Variants in DNAH10 observed in about 807,000 individuals in gnomAD.
The protein encoded by DNAH10 is axonemal beta dynein heavy chain 10.
DNAH10 carries 348 observed loss-of-function variants against 506.6 expected under a neutral mutation model. The observed-to-expected ratio is 0.69, with a 90% CI of 0.63 to 0.75. The LOEUF (loss-of-function observed/expected upper bound fraction) is 0.75, where lower values mean the gene tolerates loss of function less well. Among genes scored for constraint, DNAH10 ranks in the 30% least tolerant of loss-of-function variants. DNAH10 has a pLI of 0.00. For missense variants in DNAH10, 5,179 were observed against 5,787.1 expected (o/e 0.89, Z 3.41); for synonymous variants, 2,059 against 2,198.6 (o/e 0.94, Z 1.78).
At chr12:123,922,573 C>T (rs1441891697) in intron 65 of DNAH10, among the ~76,000 whole-genome samples, 1 of 152,120 alleles carries the variant, frequency 6.6e-6, no homozygotes, top group African/African-American at 2.4e-5. Context: ...GCCATGCCTG[C>T]CATAACAAAA....
intron 17 of DNAH10, among the ~76,000 whole-genome samples, chr12:123,804,618 T>C (rs2136295397): frequency 6.6e-6 from 1 of 152,272 alleles, no homozygotes; most frequent in East Asian, 1.9e-4. Flanking sequence ...AAAACAAGAT[T>C]GCCCAAAGGT....
At chr12:123,924,963 C>A in intron 67 of DNAH10, 87 bp from the exon 68 acceptor site, 1 of 1,544,554 alleles carries the variant, frequency 6.5e-7, no homozygotes, top group East Asian at 2.3e-5. Flanking sequence ...TCGTCCCTTT[C>A]CAGTGGCTTT....
rs759873762 is a variant in DNAH10 at position 123,916,617 on chromosome 12, T to C, written c.10883T>C (p.Ile3628Thr). 6.2e-7 allele frequency: 1 copy of C among 1,613,942 alleles called. No homozygotes were observed. Among genetic ancestry groups the C allele is most frequent in the Non-Finnish European group, 8.5e-7 (1 of 1,179,884 alleles). ...GTCTCCCAAGGACGGCAGTTTATTA[T>C]CCTGGGAGACAAGGAAGTGGACTAT... ...IKVSQGRQFI[I>T]LGDKEVDYDS... The change falls in exon 63 of 79, where the codon ATC becomes ACC. Residue 3628 changes from isoleucine (I) to threonine (T), a missense_variant. Physicochemically the swap from Ile to Thr is moderately conservative, Grantham distance 89. Around this residue, in one of 3 missense-constraint regions of DNAH10, gnomAD observed 4,844 missense variants for 5,430.5 expected, o/e 0.89. Coordinates refer to ENST00000673944, the MANE Select transcript of DNAH10 (RefSeq NM_001372106.1). This position sits in a 1 kb window ranked among gnomAD's most constrained non-coding sequence, Gnocchi z 4.6.
chr12:123,813,998 C>G (rs1280511513), intron 21 of DNAH10, 86 bp downstream of exon 21: 3 of 1,280,930 alleles, frequency 2.3e-6, no homozygotes, highest in East Asian at 2.5e-5. Flanking sequence ...AAGTATACTG[C>G]CATTGATTTG....
intron 55 of DNAH10, among the ~76,000 whole-genome samples, chr12:123,898,386 C>A (rs191708277): frequency 6.6e-6 from 1 of 152,100 alleles, no homozygotes; most frequent in South Asian, 2.1e-4. Flanking sequence ...ACATTAGAGA[C>A]AACTATCTGC....
chr12:123,872,166 G>A (rs984924299), intron 45 of DNAH10, among the ~76,000 whole-genome samples: 1 of 152,100 alleles, frequency 6.6e-6, no homozygotes, highest in Non-Finnish European at 1.5e-5. Context: ...CTAAAACTTT[G>A]CAAGTGTTTC....
rs933947528 is a variant in DNAH10 at position 123,783,100 on chromosome 12, T to C, written c.842-7T>C. ...GAATGACTGACTGATCACTTTTATT[T>C]TCCTAGGTGAGATCAAGTTAGAAAT... On this transcript the variant is annotated splice_region_variant and splice_polypyrimidine_tract_variant and intron_variant, in intron 6 of 78. Coordinates refer to ENST00000673944, the MANE Select transcript of DNAH10 (RefSeq NM_001372106.1). 15 of 1,613,754 alleles carry C rather than the reference T, an allele frequency of 9.3e-6. No individual in the cohort carries two copies. The highest frequency in any genetic ancestry group is 1.2e-5 in the Non-Finnish European group (14 of 1,179,718).
intron 6 of DNAH10, among the ~76,000 whole-genome samples, chr12:123,781,784 T>C (rs1484411052): frequency 6.6e-6 from 1 of 152,162 alleles, no homozygotes; most frequent in Non-Finnish European, 1.5e-5. Flanking sequence ...GATTTTTGAA[T>C]ACATTTTTCT....
chr12:123,812,854 C>T (rs1958994315), intron 19 of DNAH10, among the ~76,000 whole-genome samples: 1 of 152,048 alleles, frequency 6.6e-6, no homozygotes, highest in Non-Finnish European at 1.5e-5. Flanking sequence ...CTGGTGGTTG[C>T]AAGGTTCTGA....
In DNAH10 at chr12:123,873,720, C is replaced by T. The variant is rs757563529; in HGVS notation, c.7938+10C>T. 1.9e-5 allele frequency: 31 copies of T among 1,599,274 alleles called. No homozygotes were observed. The highest frequency in any genetic ancestry group is 3.3e-4 in the Middle Eastern group (2 of 6,052). ...CATGAATATGCCAAGGGTAGTTTGA[C>T]GCTCAAGCAGGTGGAGGGATGGGTC... On this transcript the variant is annotated intron_variant, in intron 46 of 78. Transcript: ENST00000673944.
chr12:123,935,116 C>T, intron 78 of DNAH10: 1 of 609,806 alleles, frequency 1.6e-6, no homozygotes, highest in Non-Finnish European at 2.9e-6. Flanking sequence ...GTCTTCTGCT[C>T]TGCCTGGGCC....
chr12:123,833,688 C>T (rs1292102734), intron 27 of DNAH10, among the ~76,000 whole-genome samples: 2 of 152,158 alleles, frequency 1.3e-5, no homozygotes, highest in Non-Finnish European at 2.9e-5. Context: ...ACTTATTTTA[C>T]ATTCCTTTTC....
intron 11 of DNAH10, 30 bp from the exon 12 acceptor site, chr12:123,793,912 A>G (rs1175551211): frequency 8.5e-7 from 1 of 1,178,238 alleles, no homozygotes; most frequent in Non-Finnish European, 1.1e-6. Context: ...TTACAGGGGC[A>G]TGAGGGTTGT....
At chr12:123,872,004 G>A (rs2136977569) in intron 45 of DNAH10, among the ~76,000 whole-genome samples, 1 of 152,310 alleles carries the variant, frequency 6.6e-6, no homozygotes, top group African/African-American at 2.4e-5. Flanking sequence ...CCTCCCTTCT[G>A]CCCTAATCTA....
At position 123,930,545 on chromosome 12, in the gene DNAH10, T is replaced by C; in HGVS notation, c.12756T>C (p.Pro4252=). The change falls in exon 73 of 79, where the codon CCT becomes CCC. Residue 4252 remains proline, a synonymous_variant. Transcript: ENST00000673944. ...FRNKEVDYKI[P]VGDEKEKFVE... ...ACAAGGAAGTGGACTACAAAATCCC[T>C]GTTGGTGATGAAAAGGAGAAATTTG... 1 of 1,602,518 alleles carries C rather than the reference T, an allele frequency of 6.2e-7. No individual in the cohort carries two copies. The highest frequency in any genetic ancestry group is 8.5e-7 in the Non-Finnish European group (1 of 1,177,176).
intron 29 of DNAH10, among the ~76,000 whole-genome samples, chr12:123,840,661 C>T (rs190066373): frequency 9.6e-4 from 146 of 152,120 alleles, no homozygotes; most frequent in Non-Finnish European, 1.6e-3. Flanking sequence ...TTTTGCAAAC[C>T]TCTGTTTTTA....
rs961387448 is a variant in DNAH10, at chr12:123,787,530, C to T, written c.1422-274C>T. Among the ~76,000 whole-genome samples the T allele has an allele frequency of 1.3e-5, 2 of 152,260 alleles. No individual in the cohort carries two copies. Among genetic ancestry groups the T allele is most frequent in the African/African-American group, 2.4e-5 (1 of 41,468 alleles). The stretch of plus-strand genomic sequence containing the variant: ...GACCTCTGGCCTGGGGCCAAGGCCA[C>T]CTGCCCCTTCTGGTGTAGGGAGCGA... On this transcript the variant is annotated intron_variant, in intron 9 of 78. Coordinates refer to ENST00000673944, the MANE Select transcript of DNAH10 (RefSeq NM_001372106.1). The surrounding 1 kb of genome is among the most constrained non-coding windows in gnomAD (Gnocchi z 4.6).
intron 37 of DNAH10, among the ~76,000 whole-genome samples, chr12:123,857,811 T>C (rs1951457346): frequency 6.6e-6 from 1 of 152,168 alleles, no homozygotes; most frequent in Non-Finnish European, 1.5e-5. Context: ...GCATTATCCA[T>C]CTCTGGAACG....
In DNAH10 at chr12:123,896,148, C is replaced by CACACACAG. The variant is rs1383690518; in HGVS notation, c.9280+1426_9280+1427insCACACAGA. ...ACACACACACACACACACACACACA[C>CACACACAG]AGAGAGAGAGAGAGAGAGAGAGAGA... On this transcript the variant is annotated intron_variant, in intron 54 of 78. Transcript: ENST00000673944. Among the ~76,000 whole-genome samples the CACACACAG allele has an allele frequency of 6.5e-3, 614 of 95,134 alleles. 8 individuals are homozygous for CACACACAG. The highest frequency in any genetic ancestry group is 0.016 in the East Asian group (54 of 3,280). 62.4% of individuals were successfully genotyped at this position (95,134 alleles called of 152,430 possible). A position where few individuals can be genotyped will look rare whatever the true frequency, so the allele number is the denominator to read the frequency against.
Sources: allele counts gnomAD v4.1 joint callset (sites outside exome capture counted in the v4.1 genomes callset), GRCh38; gene constraint gnomAD v4.1.1; regional missense constraint gnomAD v4.1.1; non-coding constraint Gnocchi (gnomAD v3.1); transcripts MANE v1.5; gene names NCBI Gene and HGNC (gene_info 2026-07-23, HGNC 2026-07-21).